The following CAP2 variants were observed in gnomAD, a reference collection of about 807,000 sequenced individuals.
CAP2 encodes cyclase associated actin cytoskeleton regulatory protein 2, also known as adenylyl cyclase-associated protein 2.
Under a neutral mutation model 57.7 loss-of-function variants are expected in CAP2, and 24 were observed. The observed-to-expected ratio is 0.42, with a 90% CI of 0.30 to 0.58. The LOEUF is 0.58. Among genes scored for constraint, CAP2 ranks in the 20% least tolerant of loss-of-function variants. The pLI is 0.22. For synonymous variants in CAP2, 194 were observed against 207.2 expected, an observed-to-expected ratio of 0.94 and a Z score of 0.55; for missense variants, 501 against 590.3, an observed-to-expected ratio of 0.85 and a Z score of 1.57.
intron 1 of CAP2, among the ~76,000 whole-genome samples, chr6:17,395,307 C>G (rs1485835879): frequency 6.6e-6 from 1 of 152,186 alleles, no homozygotes; most frequent in Admixed American, 6.5e-5. Flanking sequence ...AGTTTGAAAG[C>G]AGCTAAAGAC....
chr6:17,549,187 G>A (rs1207710730), intron 11 of CAP2, among the ~76,000 whole-genome samples: 2 of 152,178 alleles, frequency 1.3e-5, no homozygotes, highest in Non-Finnish European at 2.9e-5. Context: ...AAGGCTGCTG[G>A]GCGCGGTGGC....
At chr6:17,438,439 T>TTTTTTTTTG (rs1561783596) in intron 3 of CAP2, among the ~76,000 whole-genome samples, 2 of 124,384 alleles carry the variant, frequency 1.6e-5, no homozygotes, top group African/African-American at 7.5e-5. Context: ...AAGTGTTTTT[T>TTTTTTTTTG]TTTTTTTTTT....
At chr6:17,469,178 A>G (rs1285802598) in intron 4 of CAP2, among the ~76,000 whole-genome samples, 1 of 152,252 alleles carries the variant, frequency 6.6e-6, no homozygotes, top group Non-Finnish European at 1.5e-5. Context: ...CACCCCAAGG[A>G]AGACTATCAT....
intron 4 of CAP2, among the ~76,000 whole-genome samples, chr6:17,481,275 G>C (rs1761281285): frequency 6.6e-6 from 1 of 152,028 alleles, no homozygotes; most frequent in African/African-American, 2.4e-5. Flanking sequence ...TTTAATTTCT[G>C]TGGTTTTTAT....
intron 4 of CAP2, among the ~76,000 whole-genome samples, chr6:17,506,571 C>T (rs187601254): frequency 6.6e-5 from 10 of 151,470 alleles, no homozygotes; most frequent in African/African-American, 2.4e-4. Context: ...ACCTGGGAGG[C>T]GGAGGTCGCA....
intron 4 of CAP2, among the ~76,000 whole-genome samples, chr6:17,475,864 G>A (rs976312812): frequency 1.5e-4 from 23 of 152,214 alleles, no homozygotes; most frequent in African/African-American, 3.4e-4. Context: ...AAACTGCAGC[G>A]CAGAAGAACT....
At chr6:17,514,162 A>G (rs974185673) in intron 7 of CAP2, among the ~76,000 whole-genome samples, 1 of 151,708 alleles carries the variant, frequency 6.6e-6, no homozygotes, top group African/African-American at 2.4e-5. Flanking sequence ...CAGGAGTTCA[A>G]GACCAGCCTG....
rs758120603 is a variant in CAP2, at chr6:17,541,100, T to A, written c.954T>A (p.Ser318=). 1.2e-6 allele frequency: 2 copies of A among 1,613,942 alleles called. No homozygotes were observed. The highest frequency in any genetic ancestry group is 1.7e-6 in the Non-Finnish European group (2 of 1,179,918). Reference sequence around the variant, plus strand: ...CCACATCTCCTAAATCTTATCCTTCTCAAAAACATGCCCCAGTGTTGGAGT... The same window carrying A: ...CCACATCTCCTAAATCTTATCCTTCACAAAAACATGCCCCAGTGTTGGAGT... ...PSPTSPKSYP[S]QKHAPVLELE... is the part of the protein sequence containing the mutation. The change falls in exon 9 of 13, where the codon TCT becomes TCA. Residue 318 remains serine, a synonymous_variant. Transcript: ENST00000229922.
chr6:17,529,651 A>AAAAAAAAAATATATATAT (rs10656588), intron 7 of CAP2, among the ~76,000 whole-genome samples: 4 of 134,538 alleles, frequency 3.0e-5, no homozygotes, highest in African/African-American at 1.2e-4. Flanking sequence ...AAAAAAAAAA[A>AAAAAAAAAATATATATAT]ATATATATAT....
rs551726063 is a variant in CAP2 at position 17,538,839 on chromosome 6, A to C, written c.637-430A>C. ...CATCCAATCACCACTGAATATTTTTACCCTTCCCCACACCCCATTGGTGGT... is the reference window on the plus strand; with the variant it reads ...CATCCAATCACCACTGAATATTTTTCCCCTTCCCCACACCCCATTGGTGGT... On this transcript the variant is annotated intron_variant, in intron 7 of 12. Transcript: ENST00000229922. Among the ~76,000 whole-genome samples the C allele has an allele frequency of 2.6e-5, 4 of 152,238 alleles. No individual in the cohort carries two copies. The South Asian group carries it at 8.3e-4, about 32-fold the overall frequency.
At chr6:17,421,974 C>T (rs1210084993) in intron 2 of CAP2, among the ~76,000 whole-genome samples, 1 of 152,210 alleles carries the variant, frequency 6.6e-6, no homozygotes, top group African/African-American at 2.4e-5. Flanking sequence ...CCTCAAACTC[C>T]TGGGCTCAAG....
At chr6:17,514,373 A>G (rs1370082842) in intron 7 of CAP2, among the ~76,000 whole-genome samples, 1 of 151,626 alleles carries the variant, frequency 6.6e-6, no homozygotes, top group South Asian at 2.1e-4. Flanking sequence ...AAAAAAGCCC[A>G]TGTAGAAACG....
chr6:17,428,943 T>A (rs951488028), intron 3 of CAP2, among the ~76,000 whole-genome samples: 1 of 152,178 alleles, frequency 6.6e-6, no homozygotes, highest in Non-Finnish European at 1.5e-5. Context: ...CACATTGCAA[T>A]GTATTTGTTT....
In CAP2 at chr6:17,533,485, C is replaced by T. The variant is rs542663677; in HGVS notation, c.637-5784C>T. ...AATAGACCTTAAATGCAGCATTTTTCGGCGTTGTGCTGTGTTCTTGCAACA... is the reference window on the plus strand; with the variant it reads ...AATAGACCTTAAATGCAGCATTTTTTGGCGTTGTGCTGTGTTCTTGCAACA... On this transcript the variant is annotated intron_variant, in intron 7 of 12. Transcript: ENST00000229922. Among the ~76,000 whole-genome samples the T allele has an allele frequency of 2.7e-4, 41 of 151,966 alleles. 1 individual carries two copies. The South Asian group carries it at 8.1e-3, about 30-fold the overall frequency.
At chr6:17,437,578 C>T (rs751773796) in intron 3 of CAP2, among the ~76,000 whole-genome samples, 5 of 152,048 alleles carry the variant, frequency 3.3e-5, no homozygotes, top group Non-Finnish European at 5.9e-5. Flanking sequence ...AGCACTTTTT[C>T]ATATGTTTAA....
At chr6:17,496,209 TC>T (rs1304448404) in intron 4 of CAP2, among the ~76,000 whole-genome samples, 4 of 152,090 alleles carry the variant, frequency 2.6e-5, no homozygotes, top group Non-Finnish European at 4.4e-5. Context: ...TAGCAGCATC[TC>T]CCTGGGTCTA....
At chr6:17,430,170 C>G (rs1370230765) in intron 3 of CAP2, among the ~76,000 whole-genome samples, 1 of 152,184 alleles carries the variant, frequency 6.6e-6, no homozygotes, top group Non-Finnish European at 1.5e-5. Context: ...ACTGAACACT[C>G]AATAGCCTAT....
chr6:17,421,002 A>G (rs1193325602), intron 1 of CAP2, among the ~76,000 whole-genome samples: 1 of 152,238 alleles, frequency 6.6e-6, no homozygotes, highest in Admixed American at 6.5e-5. Flanking sequence ...CCATCAACCA[A>G]TGAATGGATA....
chr6:17,402,355 G>A (rs1391026253), intron 1 of CAP2, among the ~76,000 whole-genome samples: 3 of 151,974 alleles, frequency 2.0e-5, no homozygotes, highest in Non-Finnish European at 2.9e-5. Flanking sequence ...GGGATGGGGA[G>A]GACAAAAAAG....
Sources: allele counts gnomAD v4.1 joint callset (sites outside exome capture counted in the v4.1 genomes callset), GRCh38; gene constraint gnomAD v4.1.1; transcripts MANE v1.5; gene names NCBI Gene and HGNC (gene_info 2026-07-23, HGNC 2026-07-21).